The following PIERCE2 variants were observed in gnomAD, a reference collection of about 807,000 sequenced individuals.
PIERCE2 encodes the protein piercer of microtubule wall 2, also known as piercer of microtubule wall 2 protein.
chr15:55,413,187 A>G, the PIERCE2 span, among the ~76,000 whole-genome samples: 3 of 151,408 alleles, frequency 2.0e-5, no homozygotes, highest in South Asian at 2.1e-4. Context: ...AGAATGGCGT[A>G]AACCCAGGAG....
the PIERCE2 span, among the ~76,000 whole-genome samples, chr15:55,413,910 T>TC: frequency 6.6e-5 from 10 of 151,916 alleles, no homozygotes; most frequent in Non-Finnish European, 1.5e-4. Context: ...ATGCTTTTTT[T>TC]TTTTTGAGAC....
the PIERCE2 span, among the ~76,000 whole-genome samples, chr15:55,414,104 A>G: frequency 7.4e-5 from 11 of 148,590 alleles, no homozygotes; most frequent in African/African-American, 2.7e-4. Context: ...TCACCGCGTT[A>G]GCCAGGATGG....
At chr15:55,408,552 C>G in the PIERCE2 span, 1 of 398,904 alleles carries the variant, frequency 2.5e-6, no homozygotes, top group Non-Finnish European at 4.5e-6. Flanking sequence ...TTACGAGTTG[C>G]AACCTCCAGA....
chr15:55,415,188 C>T, the PIERCE2 span, among the ~76,000 whole-genome samples: 3 of 152,000 alleles, frequency 2.0e-5, no homozygotes, highest in Non-Finnish European at 4.4e-5. Flanking sequence ...AAGGGCTTGG[C>T]CGGGCGTGGT....
chr15:55,418,714 T>C, the PIERCE2 span: 1 of 571,142 alleles, frequency 1.8e-6, no homozygotes, highest in Non-Finnish European at 2.9e-6. Flanking sequence ...AACTGATAAC[T>C]ACATGACAGT....
chr15:55,412,808 A>G, the PIERCE2 span, among the ~76,000 whole-genome samples: 2 of 151,904 alleles, frequency 1.3e-5, no homozygotes, highest in Admixed American at 1.3e-4. Flanking sequence ...TGAAGAGTAG[A>G]TTGAATATGG....
chr15:55,414,827 G>A, the PIERCE2 span, among the ~76,000 whole-genome samples: 226 of 152,164 alleles, frequency 1.5e-3, no homozygotes, highest in Middle Eastern at 6.8e-3. Context: ...GCAGTGAGCC[G>A]AGATGGCGCC....
the PIERCE2 span, among the ~76,000 whole-genome samples, chr15:55,416,558 G>A: frequency 1.3e-5 from 2 of 152,082 alleles, no homozygotes; most frequent in Non-Finnish European, 2.9e-5. Flanking sequence ...CCGCCCAAGT[G>A]TTTGTCCAGA....
chr15:55,413,834 C>CT, the PIERCE2 span, among the ~76,000 whole-genome samples: 2 of 149,458 alleles, frequency 1.3e-5, no homozygotes, highest in East Asian at 4.0e-4. Context: ...CTCATTAGGA[C>CT]TTTTTTTATT....
the PIERCE2 span, among the ~76,000 whole-genome samples, chr15:55,410,213 A>T: frequency 6.6e-6 from 1 of 152,176 alleles, no homozygotes; most frequent in African/African-American, 2.4e-5. Flanking sequence ...TTATGGTACT[A>T]ATTATGCCAA....
At chr15:55,416,437 T>C in the PIERCE2 span, among the ~76,000 whole-genome samples, 3 of 152,124 alleles carry the variant, frequency 2.0e-5, no homozygotes, top group Non-Finnish European at 2.9e-5. Flanking sequence ...CCATCATCAA[T>C]GCAAAGTGCT....
chr15:55,415,232 C>T, the PIERCE2 span, among the ~76,000 whole-genome samples: 1 of 151,926 alleles, frequency 6.6e-6, no homozygotes. Flanking sequence ...CTTTGGGAGG[C>T]CGAGGCAGGT....
At chr15:55,412,723 C>T in the PIERCE2 span, among the ~76,000 whole-genome samples, 2 of 152,032 alleles carry the variant, frequency 1.3e-5, no homozygotes, top group Admixed American at 6.5e-5. Context: ...ACTATTATCC[C>T]ATTTGTGAAC....
the PIERCE2 span, chr15:55,418,215 T>G: frequency 6.4e-7 from 1 of 1,570,606 alleles, no homozygotes; most frequent in Non-Finnish European, 8.6e-7. Context: ...TATGTGTTTA[T>G]CTTTTAGGAT....
At chr15:55,408,787 G>A in the PIERCE2 span, 1 of 1,523,564 alleles carries the variant, frequency 6.6e-7, no homozygotes, top group Non-Finnish European at 8.8e-7. Context: ...CCGCAACCGG[G>A]TGAGTTTAGG....
At chr15:55,412,616 G>C in the PIERCE2 span, among the ~76,000 whole-genome samples, 1 of 152,032 alleles carries the variant, frequency 6.6e-6, no homozygotes, top group Non-Finnish European at 1.5e-5. Context: ...ATTAATAATT[G>C]ACTGAAAGCT....
the PIERCE2 span, among the ~76,000 whole-genome samples, chr15:55,412,913 T>C: frequency 6.6e-6 from 1 of 152,164 alleles, no homozygotes; most frequent in Non-Finnish European, 1.5e-5. Flanking sequence ...GAGGATTGCT[T>C]GAGACCAGGA....
At chr15:55,418,568 T>C in the PIERCE2 span, 766 of 1,435,390 alleles carry the variant, frequency 5.3e-4, 5 homozygotes, top group African/African-American at 9.9e-3. Context: ...ACACACTCTA[T>C]GAAAATATAT....
At chr15:55,413,004 C>T in the PIERCE2 span, among the ~76,000 whole-genome samples, 2 of 152,058 alleles carry the variant, frequency 1.3e-5, no homozygotes, top group Non-Finnish European at 2.9e-5. Flanking sequence ...CGCGGTGGTG[C>T]GCACCTATAA....
Sources: allele counts gnomAD v4.1 joint callset (sites outside exome capture counted in the v4.1 genomes callset), GRCh38; gene constraint gnomAD v4.1.1; transcripts MANE v1.5; gene names NCBI Gene and HGNC (gene_info 2026-07-23, HGNC 2026-07-21).